The following ERI1 variants were observed in gnomAD, a reference collection of about 807,000 sequenced individuals.
ERI1 encodes the protein 3'-5' exoribonuclease 1.
Under a neutral mutation model 39.7 loss-of-function variants are expected in ERI1, and 39 were observed. The observed-to-expected ratio is 0.98, with a 90% CI of 0.76 to 1.28. ERI1 has a LOEUF of 1.28. Among genes scored for constraint, ERI1 ranks in the 50% most tolerant of loss-of-function variants. ERI1 has a pLI of 0.00. For synonymous variants in ERI1, 204 were observed against 149.6 expected (o/e 1.36, Z -2.65); for missense variants, 581 against 416.9 (o/e 1.39, Z -3.43).
intron 6 of ERI1, among the ~76,000 whole-genome samples, chr8:9,026,193 A>G (rs1228059214): frequency 2.6e-5 from 4 of 152,206 alleles, no homozygotes; most frequent in Non-Finnish European, 5.9e-5. Context: ...ATTTTAGAGC[A>G]TTTCAGATTT....
At chr8:9,056,841 G>T (rs1179978021) in intron 3 of ERI1, among the ~76,000 whole-genome samples, 1 of 152,132 alleles carries the variant, frequency 6.6e-6, no homozygotes, top group Non-Finnish European at 1.5e-5. Context: ...CCATGTAATT[G>T]TCTGTTTTTT....
At chr8:9,005,427 A>T (rs564251840) in intron 1 of ERI1, among the ~76,000 whole-genome samples, 3 of 152,144 alleles carry the variant, frequency 2.0e-5, no homozygotes, top group African/African-American at 7.2e-5. Context: ...CCTTCCCAAT[A>T]AGAAGAGGAC....
intron 3 of ERI1, among the ~76,000 whole-genome samples, chr8:9,015,901 A>G (rs1817218719): frequency 6.6e-6 from 1 of 152,162 alleles, no homozygotes; most frequent in Non-Finnish European, 1.5e-5. Context: ...TCAGGAGTAA[A>G]TGAGAGAAAA....
intron 6 of ERI1, among the ~76,000 whole-genome samples, chr8:9,023,381 C>G (rs1333237435): frequency 6.6e-6 from 1 of 151,992 alleles, no homozygotes; most frequent in East Asian, 1.9e-4. Context: ...CTACAACTCC[C>G]AGATGGAATA....
chr8:9,071,381 G>A (rs1279296569), intron 3 of ERI1, among the ~76,000 whole-genome samples: 1 of 152,168 alleles, frequency 6.6e-6, no homozygotes, highest in Non-Finnish European at 1.5e-5. Context: ...AAAATGCCTA[G>A]CCTTTAAGCT....
chr8:9,028,520 G>A (rs779167123), intron 6 of ERI1, among the ~76,000 whole-genome samples: 2 of 152,106 alleles, frequency 1.3e-5, no homozygotes, highest in African/African-American at 4.8e-5. Context: ...CCCATTTTAC[G>A]GATGAAGAAG....
At chr8:9,018,599 A>C (rs1191706832) in intron 5 of ERI1, among the ~76,000 whole-genome samples, 193 bp downstream of exon 5, 3 of 152,194 alleles carry the variant, frequency 2.0e-5, no homozygotes, top group African/African-American at 7.2e-5. Flanking sequence ...CCAATACAGG[A>C]CTAGAACACT....
rs1177343686 is a variant in ERI1 at position 9,029,880 on chromosome 8, C to CGAAA, written c.896_897insGAAA (p.Asn301Ter). 1 of 1,614,158 alleles carries CGAAA rather than the reference C, an allele frequency of 6.2e-7. No homozygotes were observed. Among genetic ancestry groups the CGAAA allele is most frequent in the Admixed American group, 1.7e-5 (1 of 60,020 alleles). ...CGGCCTCACTGTGGTCTTGATGACT[C>CGAAA]TAAGAATATCGCCCGAATAGCAGTT... On this transcript the variant is annotated frameshift_variant, in exon 7 of 7. Transcript: ENST00000250263. LOFTEE classifies it high-confidence loss of function.
intron 1 of ERI1, chr8:9,004,283 G>C (rs1815717571): frequency 4.3e-6 from 5 of 1,165,156 alleles, no homozygotes; most frequent in Non-Finnish European, 5.4e-6. Context: ...GAGATACGTT[G>C]TCAATCTCAT....
intron 3 of ERI1, among the ~76,000 whole-genome samples, chr8:9,067,096 G>A (rs1585278489): frequency 6.6e-6 from 1 of 152,044 alleles, no homozygotes; most frequent in Non-Finnish European, 1.5e-5. Context: ...TCTAAAAATC[G>A]CATGAGTCTC....
chr8:9,022,479 C>T (rs1331997096), intron 6 of ERI1, among the ~76,000 whole-genome samples: 1 of 152,154 alleles, frequency 6.6e-6, no homozygotes, highest in Non-Finnish European at 1.5e-5. Context: ...TGGCTCACTG[C>T]AACCCTGTCT....
At chr8:9,066,456 C>G (rs895254) in intron 3 of ERI1, among the ~76,000 whole-genome samples, 92,130 of 151,964 alleles carry the variant, frequency 0.61, 28,335 homozygotes, top group South Asian at 0.76. Flanking sequence ...TTCAGAGCGG[C>G]CAGTGGGCAC....
chr8:9,021,557 G>A (rs1585215408), intron 6 of ERI1, among the ~76,000 whole-genome samples: 1 of 152,132 alleles, frequency 6.6e-6, no homozygotes, highest in African/African-American at 2.4e-5. Flanking sequence ...GTAGAGTTTT[G>A]CCGATTGCTA....
chr8:9,049,752 C>G (rs528567214), intron 3 of ERI1: 1 of 152,072 alleles, frequency 6.6e-6, no homozygotes, highest in East Asian at 1.9e-4. Context: ...CCACAACCCC[C>G]GCAAAAAAGA....
At chr8:9,097,031 A>G (rs1214613343) in intron 3 of ERI1, among the ~76,000 whole-genome samples, 1 of 151,784 alleles carries the variant, frequency 6.6e-6, no homozygotes, top group African/African-American at 2.4e-5. Context: ...CCAGGTCCCA[A>G]ACGAACCCAT....
At chr8:9,004,438 G>C (rs1282579984) in intron 1 of ERI1, 2 of 246,318 alleles carry the variant, frequency 8.1e-6, no homozygotes, top group Non-Finnish European at 1.4e-5. Flanking sequence ...CTTTAGTGAC[G>C]GTAGTAATTG....
At chr8:9,081,132 C>G (rs983193342) in intron 3 of ERI1, among the ~76,000 whole-genome samples, 1 of 152,158 alleles carries the variant, frequency 6.6e-6, no homozygotes, top group Non-Finnish European at 1.5e-5. Flanking sequence ...TTTATAAAGA[C>G]CATCAGATCT....
chr8:9,049,853 G>C (rs1160800249), intron 3 of ERI1: 1 of 152,298 alleles, frequency 6.6e-6, no homozygotes, highest in African/African-American at 2.4e-5. Context: ...GGCCGCAGGT[G>C]AGGAGAGAGG....
chr8:9,036,404 TC>T (rs1398320462), downstream of ERI1, among the ~76,000 whole-genome samples: 1 of 152,212 alleles, frequency 6.6e-6, no homozygotes, highest in African/African-American at 2.4e-5. Flanking sequence ...TGAGGCAAGA[TC>T]CTACACCAGC....
Sources: allele counts gnomAD v4.1 joint callset (sites outside exome capture counted in the v4.1 genomes callset), GRCh38; gene constraint gnomAD v4.1.1; transcripts MANE v1.5; gene names NCBI Gene and HGNC (gene_info 2026-07-23, HGNC 2026-07-21).